NRG2: variants seen among roughly 807,000 people sequenced by gnomAD.
The protein encoded by NRG2 is pro-neuregulin-2, membrane-bound isoform.
Under a neutral mutation model 73.9 loss-of-function variants are expected in NRG2, and 27 were observed. That is an observed-to-expected ratio of 0.37 (90% CI 0.27 to 0.50). The LOEUF is 0.50. Ranked by LOEUF, NRG2 falls within the 20% of genes least tolerant of loss-of-function variation. The probability of loss-of-function intolerance (pLI) is 0.96; values close to 1 mark genes in which losing one functional copy is unlikely to be tolerated. For missense variants in NRG2, 1,126 were observed against 1,210.1 expected, an observed-to-expected ratio of 0.93 and a Z score of 1.03; for synonymous variants, 532 against 541.0, an observed-to-expected ratio of 0.98 and a Z score of 0.23.
intron 5 of NRG2, chr5:139,859,885 A>G: frequency 1.2e-6 from 2 of 1,612,492 alleles, no homozygotes; most frequent in Non-Finnish European, 8.5e-7. Context: ...CAGAGGTTTC[A>G]TACCCTTTAA....
intron 1 of NRG2, among the ~76,000 whole-genome samples, chr5:140,018,554 G>T (rs994323881): frequency 9.9e-5 from 15 of 152,174 alleles, no homozygotes; most frequent in African/African-American, 3.6e-4. Context: ...CTGGAATCGA[G>T]GGCAGTTTCT....
Position 139,887,209 on chromosome 5 carries a change from G to A in NRG2, c.872+131C>T. 1 of 1,051,978 alleles carries A rather than the reference G, an allele frequency of 9.5e-7. No homozygotes were observed. Among genetic ancestry groups the A allele is most frequent in the South Asian group, 1.5e-5 (1 of 67,798 alleles). The allele number at this position is 1,051,978 out of a possible 1,614,324, so 65.2% of individuals were successfully genotyped here. Reference sequence around the variant, plus strand: ...GGGAGTGGCAAGGAAGGGGAGTATGGAGAGGGGCTGGGACTGGTTCCATGG... The same window carrying A: ...GGGAGTGGCAAGGAAGGGGAGTATGAAGAGGGGCTGGGACTGGTTCCATGG... On this transcript the variant is annotated intron_variant, in intron 2 of 9. Transcript: ENST00000361474. The surrounding 1 kb of genome is among the most constrained non-coding windows in gnomAD (Gnocchi z 4.5).
intron 1 of NRG2, among the ~76,000 whole-genome samples, chr5:139,929,927 G>C (rs1157696459): frequency 1.3e-5 from 2 of 152,266 alleles, no homozygotes. Context: ...CACCAAATAG[G>C]ATAGCATCCC....
chr5:139,952,550 C>T (rs1049876828), intron 1 of NRG2, among the ~76,000 whole-genome samples: 20 of 152,188 alleles, frequency 1.3e-4, no homozygotes, highest in African/African-American at 4.6e-4. Context: ...GATTCATAAC[C>T]TGGTTTCAAG....
At chr5:139,934,242 T>TA (rs1752685226) in intron 1 of NRG2, among the ~76,000 whole-genome samples, 2 of 152,146 alleles carry the variant, frequency 1.3e-5, no homozygotes, top group African/African-American at 4.8e-5. Context: ...CTCAAATATA[T>TA]TTTTTCTTAT....
At chr5:139,928,629 A>G (rs1752239695) in intron 1 of NRG2, among the ~76,000 whole-genome samples, 1 of 152,150 alleles carries the variant, frequency 6.6e-6, no homozygotes, top group Non-Finnish European at 1.5e-5. Context: ...GAACAACCAA[A>G]TTGTGTCTCT....
chr5:140,037,695 G>A (rs1034937645), intron 1 of NRG2, among the ~76,000 whole-genome samples: 1 of 151,858 alleles, frequency 6.6e-6, no homozygotes, highest in African/African-American at 2.4e-5. Context: ...GGATCACGAG[G>A]TCAGGAGTTC....
intron 1 of NRG2, among the ~76,000 whole-genome samples, chr5:139,926,568 G>C (rs1026098911): frequency 1.3e-5 from 2 of 152,158 alleles, no homozygotes; most frequent in African/African-American, 4.8e-5. Context: ...GTGTGCTGCT[G>C]AGTAAGAATG....
intron 1 of NRG2, among the ~76,000 whole-genome samples, chr5:140,035,312 A>G (rs561557559): frequency 1.3e-5 from 2 of 152,174 alleles, no homozygotes; most frequent in African/African-American, 4.8e-5. Context: ...TTCTAACCAG[A>G]TATTATCTTT....
chr5:140,011,321 C>T (rs1759346698), intron 1 of NRG2, among the ~76,000 whole-genome samples: 1 of 152,204 alleles, frequency 6.6e-6, no homozygotes, highest in East Asian at 1.9e-4. Context: ...CCTTAATCTT[C>T]CTTCGGGATT....
intron 1 of NRG2, among the ~76,000 whole-genome samples, chr5:139,952,054 C>G (rs1299838419): frequency 6.6e-6 from 1 of 152,230 alleles, no homozygotes; most frequent in African/African-American, 2.4e-5. Context: ...AGGGATTTAA[C>G]CTTTCTGAGA....
At chr5:139,890,032 C>A (rs767265991) in intron 1 of NRG2, among the ~76,000 whole-genome samples, 6 of 152,174 alleles carry the variant, frequency 3.9e-5, no homozygotes, top group Non-Finnish European at 5.9e-5. Flanking sequence ...GGTATGCAAT[C>A]TTTCTCAGCT....
chr5:139,981,318 T>C (rs1313679505), intron 1 of NRG2, among the ~76,000 whole-genome samples: 1 of 152,140 alleles, frequency 6.6e-6, no homozygotes, highest in Non-Finnish European at 1.5e-5. Flanking sequence ...ACTCCTAGGG[T>C]TGGAGTTCAC....
chr5:139,996,129 T>C (rs1214547436), intron 1 of NRG2, among the ~76,000 whole-genome samples: 1 of 152,242 alleles, frequency 6.6e-6, no homozygotes, highest in Non-Finnish European at 1.5e-5. Context: ...AATGCACATG[T>C]AGCAAAAATC....
intron 1 of NRG2, among the ~76,000 whole-genome samples, chr5:139,982,220 T>C (rs567706327): frequency 2.2e-4 from 34 of 152,274 alleles, no homozygotes; most frequent in African/African-American, 7.7e-4. Flanking sequence ...ATCTACAATC[T>C]GTCTTCCTCC....
At chr5:139,892,270 T>C (rs762216366) in intron 1 of NRG2, among the ~76,000 whole-genome samples, 29 of 152,222 alleles carry the variant, frequency 1.9e-4, no homozygotes, top group Non-Finnish European at 3.7e-4. Context: ...GTGGCAAAGA[T>C]TGAGGTGACC....
At chr5:139,916,871 G>A (rs928605941) in intron 1 of NRG2, among the ~76,000 whole-genome samples, 1 of 152,120 alleles carries the variant, frequency 6.6e-6, no homozygotes, top group Non-Finnish European at 1.5e-5. Context: ...TTGTGTATAA[G>A]CTTTTGTGTG....
chr5:139,989,992 G>T (rs1166232982), intron 1 of NRG2, among the ~76,000 whole-genome samples: 1 of 151,406 alleles, frequency 6.6e-6, no homozygotes, highest in South Asian at 2.1e-4. Flanking sequence ...GTTTCACCAT[G>T]TTAGCCAGGA....
intron 1 of NRG2, among the ~76,000 whole-genome samples, chr5:139,947,352 G>T (rs901178978): frequency 7.2e-5 from 11 of 152,092 alleles, no homozygotes; most frequent in African/African-American, 2.4e-4. Context: ...TTTGTGACTG[G>T]CTTCTTTCAC....
Sources: allele counts gnomAD v4.1 joint callset (sites outside exome capture counted in the v4.1 genomes callset), GRCh38; gene constraint gnomAD v4.1.1; non-coding constraint Gnocchi (gnomAD v3.1); transcripts MANE v1.5; gene names NCBI Gene and HGNC (gene_info 2026-07-23, HGNC 2026-07-21).